Variants in MSI2 observed in about 807,000 individuals in gnomAD.
MSI2 encodes RNA-binding protein Musashi homolog 2.
A neutral mutation model predicts 45.6 loss-of-function variants in MSI2; 17 were observed. The ratio of observed to expected loss-of-function variants is 0.37; its 90% CI spans 0.26 to 0.56. MSI2 has a LOEUF of 0.56. Among genes scored for constraint, MSI2 ranks in the 20% least tolerant of loss-of-function variants. The probability of loss-of-function intolerance (pLI) is 0.77; values close to 1 mark genes in which losing one functional copy is unlikely to be tolerated. For missense variants in MSI2, 293 were observed against 444.2 expected (o/e 0.66, Z 3.06); for synonymous variants, 156 against 158.2 (o/e 0.99, Z 0.11).
chr17:57,567,561 G>A (rs1458000356), intron 7 of MSI2, among the ~76,000 whole-genome samples: 5 of 152,232 alleles, frequency 3.3e-5, no homozygotes, highest in Non-Finnish European at 7.3e-5. Context: ...TTACTGTAAA[G>A]TGCAGCTGCC....
At chr17:57,373,830 C>A (rs898412982) in intron 5 of MSI2, among the ~76,000 whole-genome samples, 1 of 152,198 alleles carries the variant, frequency 6.6e-6, no homozygotes, top group Admixed American at 6.5e-5. Flanking sequence ...TGCAGAATAA[C>A]CTAACACCTC....
chr17:57,445,299 G>T (rs934650286), intron 6 of MSI2, among the ~76,000 whole-genome samples: 3 of 152,230 alleles, frequency 2.0e-5, no homozygotes, highest in African/African-American at 4.8e-5. Flanking sequence ...CTCCTGAAAT[G>T]AGACATTTTG....
intron 7 of MSI2, among the ~76,000 whole-genome samples, chr17:57,532,997 G>A (rs563305218): frequency 2.0e-4 from 31 of 152,206 alleles, no homozygotes; most frequent in Non-Finnish European, 4.0e-4. Flanking sequence ...TAACCACAGG[G>A]AACTGGGCTT....
intron 5 of MSI2, among the ~76,000 whole-genome samples, chr17:57,388,931 G>A (rs1225310386): frequency 6.6e-6 from 1 of 151,164 alleles, no homozygotes; most frequent in African/African-American, 2.4e-5. Flanking sequence ...TGAGATGACA[G>A]GCGTGAGCTA....
chr17:57,307,580 A>G (rs1021803939), intron 5 of MSI2, among the ~76,000 whole-genome samples: 8 of 152,164 alleles, frequency 5.3e-5, no homozygotes, highest in Non-Finnish European at 1.2e-4. Flanking sequence ...ACCTGCCACC[A>G]CACCCAGCTA....
At chr17:57,299,274 T>C (rs113601048) in intron 5 of MSI2, among the ~76,000 whole-genome samples, 2,354 of 152,366 alleles carry the variant, frequency 0.015, 65 homozygotes, top group African/African-American at 0.053. Flanking sequence ...ATGTGTTCAC[T>C]GGAGTAGCAC....
intron 7 of MSI2, among the ~76,000 whole-genome samples, chr17:57,591,492 G>A (rs1401188478): frequency 6.6e-6 from 1 of 152,146 alleles, no homozygotes; most frequent in East Asian, 1.9e-4. Flanking sequence ...GGAGGCTGAG[G>A]CAGGAGGATC....
rs539435939 is a variant in MSI2 at position 57,437,499 on chromosome 17, G to A, written c.405+36028G>A. 2.0e-4 allele frequency among the ~76,000 whole-genome samples: 30 copies of A among 152,236 alleles called. 1 individual carries two copies. The South Asian group carries it at 6.2e-3, about 32-fold the overall frequency. ...GATGGATTGGGGGTTGAATTATTGG[G>A]GACATGCCTGGAGGGACTGGGGAGA... is the stretch of plus-strand genomic sequence containing the variant. On this transcript the variant is annotated intron_variant, in intron 6 of 13. Transcript: ENST00000284073.
At chr17:57,291,311 C>T (rs1567738846) in intron 5 of MSI2, among the ~76,000 whole-genome samples, 1 of 152,132 alleles carries the variant, frequency 6.6e-6, no homozygotes, top group Non-Finnish European at 1.5e-5. Flanking sequence ...ATCAGCATCC[C>T]GGAGTGTTCT....
intron 6 of MSI2, among the ~76,000 whole-genome samples, chr17:57,422,152 C>T (rs1555602223): frequency 2.0e-5 from 3 of 152,154 alleles, no homozygotes; most frequent in South Asian, 2.1e-4. Context: ...AGGTACTACA[C>T]GAACTGCTTT....
At chr17:57,367,636 G>C (rs1001976748) in intron 5 of MSI2, among the ~76,000 whole-genome samples, 1 of 152,302 alleles carries the variant, frequency 6.6e-6, no homozygotes, top group East Asian at 1.9e-4. Context: ...TTATTAAGGG[G>C]GATCAGTGGA....
downstream of MSI2, among the ~76,000 whole-genome samples, chr17:57,687,330 T>C (rs912767831): frequency 1.3e-5 from 2 of 151,772 alleles, no homozygotes; most frequent in Admixed American, 1.3e-4. Flanking sequence ...AAATAGAAGC[T>C]GAAAGCAATA....
intron 6 of MSI2, among the ~76,000 whole-genome samples, chr17:57,446,662 CT>C (rs2084905764): frequency 6.6e-6 from 1 of 152,226 alleles, no homozygotes; most frequent in Non-Finnish European, 1.5e-5. Context: ...TGCCACTAAG[CT>C]GTCAAAGAGA....
Position 57,618,833 on chromosome 17 carries a change from C to T in MSI2, c.652+2749C>T, listed in dbSNP as rs775521546. Among the ~76,000 whole-genome samples, 26 of 152,232 alleles carry T rather than the reference C, an allele frequency of 1.7e-4. No homozygotes were observed. The East Asian group carries it at 3.9e-3, about 23-fold the overall frequency. On this transcript the variant is annotated intron_variant, in intron 9 of 13. Coordinates refer to ENST00000284073, the MANE Select transcript of MSI2 (RefSeq NM_138962.4). ...CTGGGATTACAGGCGTGAGCCACTGCGCCCAGCAACGCTGTCTCTTAAAAA... is the reference window on the plus strand; with the variant it reads ...CTGGGATTACAGGCGTGAGCCACTGTGCCCAGCAACGCTGTCTCTTAAAAA...
intron 1 of MSI2, 72 bp downstream of exon 1, chr17:57,256,876 G>T: frequency 8.2e-7 from 1 of 1,223,690 alleles, no homozygotes; most frequent in East Asian, 2.9e-5. Flanking sequence ...ACGGCGGTGC[G>T]CGGAGCCGGG....
At chr17:57,378,146 G>T (rs538656250) in intron 5 of MSI2, among the ~76,000 whole-genome samples, 2 of 152,090 alleles carry the variant, frequency 1.3e-5, no homozygotes, top group South Asian at 2.1e-4. Context: ...GTTTTGCTCT[G>T]TCGTGTCCCG....
rs550889940 is a variant in MSI2 at position 57,597,950 on chromosome 17, G to A, written c.537+1000G>A. On this transcript the variant is annotated intron_variant, in intron 8 of 13. Coordinates refer to ENST00000284073, the MANE Select transcript of MSI2 (RefSeq NM_138962.4). ...CTGCCACAGCAGCCTCAAGAGGAAG[G>A]GAGGTTGGATTACTGGAAGTTTGGG... Among the ~76,000 whole-genome samples the A allele has an allele frequency of 1.1e-4, 17 of 151,382 alleles. No homozygotes were observed. In the South Asian group the frequency reaches 2.3e-3, roughly 20 times the overall value.
intron 12 of MSI2, 73 bp downstream of exon 12, chr17:57,675,199 A>G: frequency 6.8e-7 from 1 of 1,463,654 alleles, no homozygotes; most frequent in Non-Finnish European, 9.4e-7. Context: ...TGGGTGTGCC[A>G]GGAAAGCCCA....
chr17:57,410,242 C>G (rs1179501786), intron 6 of MSI2, among the ~76,000 whole-genome samples: 1 of 152,124 alleles, frequency 6.6e-6, no homozygotes, highest in Non-Finnish European at 1.5e-5. Flanking sequence ...GCCTGACACT[C>G]TAAAAGGGTC....
Sources: gnomAD v4.1 joint callset for allele counts (sites outside exome capture counted in the v4.1 genomes callset) on GRCh38, gnomAD v4.1.1 for gene constraint, MANE v1.5 for transcripts, NCBI Gene and HGNC (gene_info 2026-07-23, HGNC 2026-07-21) for gene names.